The following ARB2A variants were observed in gnomAD, a reference collection of about 807,000 sequenced individuals.
The protein encoded by ARB2A is ARB2 cotranscriptional regulator A, also known as cotranscriptional regulator ARB2A.
the ARB2A span, among the ~76,000 whole-genome samples, chr5:93,716,480 G>C: frequency 1.3e-5 from 2 of 151,930 alleles, no homozygotes; most frequent in Non-Finnish European, 2.9e-5. Context: ...GAGTGATCAA[G>C]AGAAAATGAG....
the ARB2A span, among the ~76,000 whole-genome samples, chr5:93,694,572 A>G: frequency 6.6e-6 from 1 of 152,240 alleles, no homozygotes; most frequent in Non-Finnish European, 1.5e-5. Flanking sequence ...TTTCATGCTC[A>G]TGGATAGGAA....
the ARB2A span, among the ~76,000 whole-genome samples, chr5:94,097,064 G>C: frequency 6.6e-6 from 1 of 152,182 alleles, no homozygotes; most frequent in Non-Finnish European, 1.5e-5. Context: ...CAGAGGCTCT[G>C]GTGCGGAAAC....
the ARB2A span, among the ~76,000 whole-genome samples, chr5:94,010,634 C>G: frequency 5.3e-5 from 8 of 152,162 alleles, no homozygotes; most frequent in African/African-American, 1.4e-4. Flanking sequence ...TTCTCTGGAG[C>G]CTTCTCATTT....
the ARB2A span, among the ~76,000 whole-genome samples, chr5:94,033,763 T>C: frequency 6.6e-6 from 1 of 152,162 alleles, no homozygotes; most frequent in Admixed American, 6.5e-5. Flanking sequence ...GACATGAGTT[T>C]TGGGGAGACA....
the ARB2A span, chr5:93,741,269 C>T: frequency 1.9e-6 from 3 of 1,613,716 alleles, no homozygotes; most frequent in Non-Finnish European, 2.5e-6. Flanking sequence ...CCCGGGAGGG[C>T]GCCTTCGGAG....
the ARB2A span, among the ~76,000 whole-genome samples, chr5:93,777,703 T>C: frequency 9.9e-5 from 15 of 152,198 alleles, no homozygotes; most frequent in Non-Finnish European, 2.1e-4. Flanking sequence ...TTGTGCACCA[T>C]GGAATCCGTC....
At chr5:93,931,544 T>C in the ARB2A span, among the ~76,000 whole-genome samples, 3 of 152,228 alleles carry the variant, frequency 2.0e-5, no homozygotes, top group African/African-American at 7.2e-5. Flanking sequence ...TTGGCTTAAT[T>C]AGGTAAGTTA....
chr5:93,645,900 A>G, the ARB2A span, among the ~76,000 whole-genome samples: 1 of 152,228 alleles, frequency 6.6e-6, no homozygotes, highest in Admixed American at 6.5e-5. Context: ...CAATTTGAAT[A>G]TATAAGTAAA....
At chr5:93,865,107 G>A in the ARB2A span, among the ~76,000 whole-genome samples, 1 of 151,778 alleles carries the variant, frequency 6.6e-6, no homozygotes, top group African/African-American at 2.4e-5. Flanking sequence ...TTTTTGAGAC[G>A]GAGTCTCTCT....
At chr5:93,950,472 G>A in the ARB2A span, among the ~76,000 whole-genome samples, 99 of 151,990 alleles carry the variant, frequency 6.5e-4, no homozygotes, top group African/African-American at 2.0e-3. Context: ...GTGAAACCCC[G>A]TCTCTACAAA....
the ARB2A span, among the ~76,000 whole-genome samples, chr5:93,966,732 T>TTGGG: frequency 1.6e-4 from 25 of 152,218 alleles, no homozygotes; most frequent in South Asian, 5.2e-3. Flanking sequence ...CTCCTTCAGG[T>TTGGG]AACTCTCACG....
the ARB2A span, among the ~76,000 whole-genome samples, chr5:94,072,803 G>C: frequency 1.3e-5 from 2 of 152,102 alleles, no homozygotes; most frequent in Admixed American, 6.6e-5. Flanking sequence ...CTCCAAAAGA[G>C]ATGACATAAC....
At chr5:93,768,498 CTA>C in the ARB2A span, among the ~76,000 whole-genome samples, 1 of 149,534 alleles carries the variant, frequency 6.7e-6, no homozygotes, top group Admixed American at 6.7e-5. Context: ...AAAGTATACG[CTA>C]TATATAGTGT....
the ARB2A span, among the ~76,000 whole-genome samples, chr5:93,776,543 C>T: frequency 3.3e-5 from 5 of 152,208 alleles, no homozygotes; most frequent in South Asian, 4.2e-4. Context: ...TTTGGGAGGC[C>T]GAGGTGGGCA....
At chr5:93,955,229 C>A in the ARB2A span, among the ~76,000 whole-genome samples, 1 of 152,122 alleles carries the variant, frequency 6.6e-6, no homozygotes, top group African/African-American at 2.4e-5. Context: ...TTCTATTTAG[C>A]CATCTTCCTC....
chr5:94,103,543 G>T, the ARB2A span, among the ~76,000 whole-genome samples: 1 of 151,996 alleles, frequency 6.6e-6, no homozygotes, highest in East Asian at 1.9e-4. Flanking sequence ...CCTACAAAGA[G>T]ACTTAGATAA....
At chr5:93,769,790 C>A in the ARB2A span, among the ~76,000 whole-genome samples, 1 of 152,072 alleles carries the variant, frequency 6.6e-6, no homozygotes, top group Non-Finnish European at 1.5e-5. Context: ...CAGTAAATGT[C>A]AATAAATACT....
the ARB2A span, among the ~76,000 whole-genome samples, chr5:93,972,922 A>AG: frequency 1.4e-5 from 2 of 141,006 alleles, no homozygotes; most frequent in Non-Finnish European, 3.1e-5. Context: ...AAAAAAAAAA[A>AG]AAAAAGAGAA....
the ARB2A span, among the ~76,000 whole-genome samples, chr5:94,060,826 A>G: frequency 2.2e-4 from 34 of 152,346 alleles, no homozygotes; most frequent in East Asian, 6.6e-3. Flanking sequence ...AACAGGGCTT[A>G]TGACAGAACG....
Sources: gnomAD v4.1 joint callset for allele counts (sites outside exome capture counted in the v4.1 genomes callset) on GRCh38, gnomAD v4.1.1 for gene constraint, MANE v1.5 for transcripts, NCBI Gene and HGNC (gene_info 2026-07-23, HGNC 2026-07-21) for gene names.